The following CAMKMT variants were observed in gnomAD, a reference collection of about 807,000 sequenced individuals.
The protein encoded by CAMKMT is CaM KMT.
A neutral mutation model predicts 48.0 loss-of-function variants in CAMKMT; 53 were observed. The observed-to-expected ratio is 1.10, with a 90% CI of 0.89 to 1.39. The LOEUF is 1.39. Ranked by LOEUF, CAMKMT falls within the 40% of genes most tolerant of loss-of-function variation. CAMKMT has a pLI of 0.00. For missense variants in CAMKMT, 428 were observed against 402.7 expected (o/e 1.06, Z -0.54); for synonymous variants, 165 against 152.3 (o/e 1.08, Z -0.61).
chr2:44,619,930 T>C lies in CAMKMT; in HGVS notation c.377-84353T>C, dbSNP rs539227696. Among the ~76,000 whole-genome samples the C allele has an allele frequency of 2.3e-4, 35 of 152,318 alleles. No individual in the cohort carries two copies. In the South Asian group the frequency reaches 5.4e-3, roughly 23 times the overall value. On this transcript the variant is annotated intron_variant, in intron 3 of 10. Transcript: ENST00000378494. The stretch of plus-strand genomic sequence containing the variant: ...ATAGCCACATTTGGCCAGAACCCCA[T>C]GTAATCATCACCCAGTCCCAGTAAG...
chr2:44,676,628 A>G (rs1675706107), intron 3 of CAMKMT: 1 of 152,250 alleles, frequency 6.6e-6, no homozygotes, highest in East Asian at 1.9e-4. Context: ...AAGGGGTCCT[A>G]CAGTCTGGTG....
At chr2:44,751,142 A>T (rs557751507) in intron 8 of CAMKMT, among the ~76,000 whole-genome samples, 11 of 152,326 alleles carry the variant, frequency 7.2e-5, no homozygotes, top group African/African-American at 2.6e-4. Flanking sequence ...TACTTCTTGT[A>T]CTGAGCTTGG....
intron 3 of CAMKMT, among the ~76,000 whole-genome samples, chr2:44,659,575 A>AG (rs1006299567): frequency 6.6e-6 from 1 of 151,848 alleles, no homozygotes; most frequent in Non-Finnish European, 1.5e-5. Flanking sequence ...ACAAAAAAAA[A>AG]AAAAAGAAAA....
At chr2:44,637,587 A>AT (rs112401015) in intron 3 of CAMKMT, among the ~76,000 whole-genome samples, 3,861 of 150,594 alleles carry the variant, frequency 0.026, 50 homozygotes, top group Non-Finnish European at 0.031. Flanking sequence ...TATAATTTTA[A>AT]TTTTTTTTTT....
intron 3 of CAMKMT, among the ~76,000 whole-genome samples, chr2:44,567,623 A>G (rs1046134780): frequency 2.6e-5 from 4 of 152,088 alleles, no homozygotes; most frequent in East Asian, 3.9e-4. Flanking sequence ...TCTGGAAGCA[A>G]AAGACTGCTA....
intron 3 of CAMKMT, among the ~76,000 whole-genome samples, chr2:44,663,760 C>T (rs1431154852): frequency 6.6e-6 from 1 of 152,170 alleles, no homozygotes; most frequent in Non-Finnish European, 1.5e-5. Context: ...CCATCTTGTT[C>T]GTGAATCTTT....
At chr2:44,480,464 T>G (rs1668910406) in intron 3 of CAMKMT, among the ~76,000 whole-genome samples, 1 of 152,222 alleles carries the variant, frequency 6.6e-6, no homozygotes, top group African/African-American at 2.4e-5. Context: ...ATAAAACTAG[T>G]TTTTTGGTTC....
chr2:44,578,211 T>G (rs1162605101), intron 3 of CAMKMT, among the ~76,000 whole-genome samples: 1 of 152,184 alleles, frequency 6.6e-6, no homozygotes, highest in Non-Finnish European at 1.5e-5. Context: ...AAATTAACAT[T>G]GTTAAAAAGA....
At chr2:44,363,180 A>C (rs1057268594) in intron 1 of CAMKMT, among the ~76,000 whole-genome samples, 1 of 152,228 alleles carries the variant, frequency 6.6e-6, no homozygotes. Context: ...ATTTGCTGAT[A>C]CATTGACAGT....
intron 3 of CAMKMT, among the ~76,000 whole-genome samples, chr2:44,582,385 T>C (rs1244819014): frequency 6.6e-6 from 1 of 152,182 alleles, no homozygotes; most frequent in Non-Finnish European, 1.5e-5. Flanking sequence ...AATTCCCAAA[T>C]AGTAAAATAG....
chr2:44,770,183 G>C (rs1022929153), intron 10 of CAMKMT, among the ~76,000 whole-genome samples: 5 of 152,222 alleles, frequency 3.3e-5, no homozygotes, highest in African/African-American at 1.2e-4. Context: ...ATCGAAGCAA[G>C]TATTGGCTAA....
chr2:44,739,733 G>C (rs573221690), intron 7 of CAMKMT, among the ~76,000 whole-genome samples: 71 of 152,288 alleles, frequency 4.7e-4, no homozygotes, highest in South Asian at 2.1e-3. Flanking sequence ...TGAATTTTAA[G>C]AGAATGAGAG....
At chr2:44,624,302 TC>T (rs1276977700) in intron 3 of CAMKMT, among the ~76,000 whole-genome samples, 6 of 152,166 alleles carry the variant, frequency 3.9e-5, no homozygotes, top group African/African-American at 1.2e-4. Flanking sequence ...GGGTTTTTTT[TC>T]TTTTTTCTAT....
At chr2:44,419,981 T>A (rs1427586026) in intron 3 of CAMKMT, among the ~76,000 whole-genome samples, 2 of 152,218 alleles carry the variant, frequency 1.3e-5, no homozygotes, top group African/African-American at 4.8e-5. Flanking sequence ...TTTCTTTTTT[T>A]AGTATTTAGA....
intron 3 of CAMKMT, among the ~76,000 whole-genome samples, chr2:44,457,693 C>T (rs1389627566): frequency 6.6e-6 from 1 of 152,076 alleles, no homozygotes; most frequent in Non-Finnish European, 1.5e-5. Context: ...CCACCGTGCC[C>T]GGCCCTTAAG....
intron 6 of CAMKMT, among the ~76,000 whole-genome samples, chr2:44,712,166 T>TA (rs761304719): frequency 4.3e-4 from 63 of 147,854 alleles, no homozygotes; most frequent in African/African-American, 3.7e-4. Flanking sequence ...CATTAAGCAT[T>TA]AAAAAAAAAA....
chr2:44,710,621 T>C (rs1169211203), intron 6 of CAMKMT, among the ~76,000 whole-genome samples: 1 of 152,038 alleles, frequency 6.6e-6, no homozygotes, highest in African/African-American at 2.4e-5. Flanking sequence ...TCCTTTTCTT[T>C]TTTTTTTGGC....
chr2:44,731,720 A>G (rs1280441768), intron 7 of CAMKMT, among the ~76,000 whole-genome samples: 1 of 152,154 alleles, frequency 6.6e-6, no homozygotes, highest in African/African-American at 2.4e-5. Context: ...TTTCTTGAGC[A>G]CCTATAATGT....
intron 3 of CAMKMT, among the ~76,000 whole-genome samples, chr2:44,532,405 A>G (rs961582732): frequency 4.6e-5 from 7 of 152,248 alleles, no homozygotes; most frequent in Non-Finnish European, 7.3e-5. Context: ...GAGTGAATTC[A>G]AAAGTTAAGG....
Sources: gnomAD v4.1 joint callset for allele counts (sites outside exome capture counted in the v4.1 genomes callset) on GRCh38, gnomAD v4.1.1 for gene constraint, MANE v1.5 for transcripts, NCBI Gene and HGNC (gene_info 2026-07-23, HGNC 2026-07-21) for gene names.